Variants in NXN observed in about 807,000 individuals in gnomAD.
NXN encodes the protein nucleoredoxin 1.
Under a neutral mutation model 48.6 loss-of-function variants are expected in NXN, and 16 were observed. That is an observed-to-expected ratio of 0.33 (90% confidence interval 0.22 to 0.50). The LOEUF is 0.50. NXN is among the 20% of genes least tolerant of loss of function. NXN has a pLI of 0.98. For synonymous variants in NXN, 281 were observed against 269.6 expected, an observed-to-expected ratio of 1.04 and a Z score of -0.41; for missense variants, 492 against 605.5, an observed-to-expected ratio of 0.81 and a Z score of 1.97.
At chr17:893,529 T>A (rs751006985) in intron 1 of NXN, among the ~76,000 whole-genome samples, 35 of 152,082 alleles carry the variant, frequency 2.3e-4, no homozygotes, top group Non-Finnish European at 4.6e-4. Flanking sequence ...AGAGGAAGCA[T>A]CTCAACGCCT....
chr17:881,538 T>C (rs1297923335), intron 1 of NXN, among the ~76,000 whole-genome samples: 1 of 152,226 alleles, frequency 6.6e-6, no homozygotes, highest in East Asian at 1.9e-4. Flanking sequence ...GTACAACCAC[T>C]TTGAAGAACC....
chr17:843,064 A>AAAGAAAG (rs1247377678), intron 1 of NXN, among the ~76,000 whole-genome samples: 5 of 138,266 alleles, frequency 3.6e-5, no homozygotes, highest in South Asian at 4.9e-4. Flanking sequence ...AAGAAGGAAG[A>AAAGAAAG]AAGCAAGCAA....
At chr17:812,439 G>C (rs934411193) in intron 5 of NXN, among the ~76,000 whole-genome samples, 3 of 152,210 alleles carry the variant, frequency 2.0e-5, no homozygotes, top group African/African-American at 7.2e-5. Context: ...AGAAACAAGT[G>C]AGATGGGACT....
At chr17:963,605 G>C (rs772707477) in intron 1 of NXN, among the ~76,000 whole-genome samples, 13 of 150,974 alleles carry the variant, frequency 8.6e-5, no homozygotes, top group Non-Finnish European at 1.9e-4. Flanking sequence ...CTGTCTCAGG[G>C]AAAAAAGGAC....
At chr17:858,752 A>AG (rs947910514) in intron 1 of NXN, among the ~76,000 whole-genome samples, 1 of 151,960 alleles carries the variant, frequency 6.6e-6, no homozygotes, top group Non-Finnish European at 1.5e-5. Flanking sequence ...AAAGAAAGAA[A>AG]GAAAAAAAGA....
At chr17:807,470 C>CTG (rs1190278904) in intron 5 of NXN, among the ~76,000 whole-genome samples, 1 of 152,198 alleles carries the variant, frequency 6.6e-6, no homozygotes, top group Non-Finnish European at 1.5e-5. Flanking sequence ...GGCTCAGCGC[C>CTG]TGGGGCTCTC....
intron 1 of NXN, among the ~76,000 whole-genome samples, chr17:900,271 C>G (rs2068525222): frequency 1.7e-5 from 1 of 58,420 alleles, no homozygotes; most frequent in African/African-American, 6.3e-5. Context: ...CGTCTCAAAA[C>G]AAAAAAAGGA....
At position 963,853 on chromosome 17, in the gene NXN, A is replaced by G. The variant is rs183970468; in HGVS notation, c.360+15466T>C. Reference sequence around the variant, plus strand: ...AGCACTTTGGGAGGCCGAGGAGGGCAGATCACGAGGTCAGGAGATCGAGAC... The same window carrying G: ...AGCACTTTGGGAGGCCGAGGAGGGCGGATCACGAGGTCAGGAGATCGAGAC... On this transcript the variant is annotated intron_variant, in intron 1 of 7. Coordinates refer to ENST00000336868, the MANE Select transcript of NXN (RefSeq NM_022463.5). Among the ~76,000 whole-genome samples, 290 of 151,670 alleles carry G rather than the reference A, an allele frequency of 1.9e-3. 1 individual carries two copies. Among genetic ancestry groups the G allele is most frequent in the African/African-American group, 6.6e-3 (272 of 41,360 alleles).
At chr17:913,602 C>T (rs2068657097) in intron 1 of NXN, among the ~76,000 whole-genome samples, 1 of 149,090 alleles carries the variant, frequency 6.7e-6, no homozygotes, top group South Asian at 2.1e-4. Context: ...CTCCACCTAC[C>T]CCCACGTCCC....
intron 1 of NXN, among the ~76,000 whole-genome samples, chr17:855,720 G>A (rs1408359559): frequency 3.3e-5 from 5 of 152,112 alleles, no homozygotes; most frequent in Admixed American, 3.3e-4. Flanking sequence ...AAGTTTAGGG[G>A]AAAAAATCAT....
intron 1 of NXN, among the ~76,000 whole-genome samples, chr17:895,681 G>A (rs1172430027): frequency 4.6e-5 from 7 of 151,438 alleles, no homozygotes; most frequent in East Asian, 2.0e-4. Flanking sequence ...AGCCAGGCGT[G>A]GTGGTGGGCA....
intron 1 of NXN, among the ~76,000 whole-genome samples, chr17:902,500 C>T (rs1005413047): frequency 1.8e-4 from 27 of 152,142 alleles, no homozygotes; most frequent in African/African-American, 6.5e-4. Context: ...CTCACTGGGC[C>T]GTCCTGCCCT....
chr17:937,695 G>A (rs138392583), intron 1 of NXN, among the ~76,000 whole-genome samples: 22 of 152,238 alleles, frequency 1.4e-4, no homozygotes, highest in Admixed American at 3.9e-4. Flanking sequence ...CCTGGAGACA[G>A]ACATCAAAGG....
At chr17:924,778 A>C (rs546958876) in intron 1 of NXN, among the ~76,000 whole-genome samples, 1 of 152,258 alleles carries the variant, frequency 6.6e-6, no homozygotes, top group South Asian at 2.1e-4. Context: ...ACCAAGCCTC[A>C]TTCAGTTTTA....
chr17:961,996 G>A (rs558281951), intron 1 of NXN, among the ~76,000 whole-genome samples: 88 of 151,834 alleles, frequency 5.8e-4, no homozygotes, highest in African/African-American at 1.9e-3. Flanking sequence ...TTAGCCAGGC[G>A]TGGTGGCGCG....
chr17:953,064 AG>A, intron 1 of NXN, among the ~76,000 whole-genome samples: 1 of 152,276 alleles, frequency 6.6e-6, no homozygotes, highest in East Asian at 1.9e-4. Context: ...GAATCCAGTG[AG>A]GGGCTCAGTC....
At chr17:864,505 C>T (rs1405774411) in intron 1 of NXN, among the ~76,000 whole-genome samples, 1 of 152,196 alleles carries the variant, frequency 6.6e-6, no homozygotes. Flanking sequence ...GGGCTCTGCC[C>T]GTTCAAACGG....
intron 1 of NXN, among the ~76,000 whole-genome samples, chr17:835,123 A>T (rs957319116): frequency 6.6e-6 from 1 of 150,904 alleles, no homozygotes; most frequent in Non-Finnish European, 1.5e-5. Context: ...CCTGGCTAAC[A>T]TGGTGAAACC....
At chr17:840,094 CAAAAAA>C (rs202070104) in intron 1 of NXN, among the ~76,000 whole-genome samples, 1 of 128,118 alleles carries the variant, frequency 7.8e-6, no homozygotes, top group Non-Finnish European at 1.7e-5. Flanking sequence ...GAGACTGTCT[CAAAAAA>C]AAAAAAAAGA....
Sources: gnomAD v4.1 joint callset for allele counts (sites outside exome capture counted in the v4.1 genomes callset) on GRCh38, gnomAD v4.1.1 for gene constraint, MANE v1.5 for transcripts, NCBI Gene and HGNC (gene_info 2026-07-23, HGNC 2026-07-21) for gene names.